The following CEP63 variants were observed in gnomAD, a reference collection of about 807,000 sequenced individuals.
CEP63 encodes the protein centrosomal protein 63, also known as centrosomal protein of 63 kDa.
Under a neutral mutation model 89.1 loss-of-function variants are expected in CEP63, and 84 were observed. The ratio of observed to expected loss-of-function variants is 0.94; its 90% CI spans 0.79 to 1.13. The LOEUF is 1.13. CEP63 is among the 50% of genes most tolerant of loss of function. CEP63 has a pLI of 0.00. For missense variants in CEP63, 838 were observed against 813.3 expected, an observed-to-expected ratio of 1.03 and a Z score of -0.37; for synonymous variants, 267 against 272.5, an observed-to-expected ratio of 0.98 and a Z score of 0.20.
chr3:134,489,922 C>G (rs920699906), intron 1 of CEP63, among the ~76,000 whole-genome samples: 2 of 152,124 alleles, frequency 1.3e-5, no homozygotes, highest in African/African-American at 2.4e-5. Context: ...ATTGTTTCAT[C>G]TTTGGCCAGT....
chr3:134,591,792 G>T (rs1426445496), downstream of CEP63, among the ~76,000 whole-genome samples: 1 of 152,066 alleles, frequency 6.6e-6, no homozygotes, highest in East Asian at 1.9e-4. Flanking sequence ...GAGGTGGGAA[G>T]GTGGCTTAAG....
chr3:134,715,055 G>A, the CEP63 span, among the ~76,000 whole-genome samples: 463 of 152,296 alleles, frequency 3.0e-3, 1 homozygote, highest in South Asian at 8.3e-3. Context: ...GGCTGCTGAG[G>A]AGAAGCCCTC....
At chr3:134,533,084 G>A (rs1950163646) in intron 5 of CEP63, among the ~76,000 whole-genome samples, 184 bp downstream of exon 5, 3 of 152,148 alleles carry the variant, frequency 2.0e-5, no homozygotes, top group Non-Finnish European at 4.4e-5. Context: ...CTGGGTTAAC[G>A]GGGTTACTGG....
chr3:134,534,279 A>G (rs541517357), intron 5 of CEP63, among the ~76,000 whole-genome samples: 8 of 152,280 alleles, frequency 5.3e-5, no homozygotes, highest in East Asian at 3.9e-4. Flanking sequence ...TCTTTCCTCC[A>G]TAGATAGTTT....
chr3:134,779,479 T>C, the CEP63 span, among the ~76,000 whole-genome samples: 1 of 152,214 alleles, frequency 6.6e-6, no homozygotes, highest in Admixed American at 6.5e-5. Flanking sequence ...GCTAAGGTAT[T>C]CCCAGCCGTG....
rs936064729 is a variant in CEP63, at chr3:134,587,594, T to TGTATGAG, written c.1346_1352dup (p.Ser452Ter). On this transcript the variant is annotated frameshift_variant, in exon 11 of 11. Transcript: ENST00000683931. LOFTEE classifies it high-confidence loss of function. ...GCTTCATCCCAGAGGGGCACCTGCC[T>TGTATGAG]GTATGAGGTGTCTGTCGGCCCCTAC... Among the ~76,000 whole-genome samples the TGTATGAG allele has an allele frequency of 1.2e-4, 19 of 152,244 alleles. 1 individual carries two copies. Among genetic ancestry groups the TGTATGAG allele is most frequent in the Admixed American group, 3.9e-4 (6 of 15,300 alleles).
the CEP63 span, among the ~76,000 whole-genome samples, chr3:134,739,152 T>A: frequency 6.6e-6 from 1 of 152,184 alleles, no homozygotes; most frequent in Admixed American, 6.5e-5. Context: ...ATACCCTAAA[T>A]AATTTAAAAC....
chr3:134,494,480 G>A (rs1939037468), intron 1 of CEP63, among the ~76,000 whole-genome samples: 1 of 152,000 alleles, frequency 6.6e-6, no homozygotes, highest in Non-Finnish European at 1.5e-5. Context: ...GACCCTTCAT[G>A]TAGTTCCCCA....
chr3:134,498,988 A>ATGTAGTTGTCTTCTTTTGTTG (rs1156436217), intron 2 of CEP63, among the ~76,000 whole-genome samples: 1 of 152,122 alleles, frequency 6.6e-6, no homozygotes, highest in African/African-American at 2.4e-5. Context: ...GGATATTGGC[A>ATGTAGTTGTCTTCTTTTGTTG]TGTAGTTGTC....
the CEP63 span, among the ~76,000 whole-genome samples, chr3:134,676,081 A>G: frequency 2.6e-5 from 4 of 152,210 alleles, no homozygotes; most frequent in African/African-American, 4.8e-5. Context: ...TTCTGCTCCT[A>G]GGTATATACC....
chr3:134,526,827 T>G (rs544949213), intron 3 of CEP63, among the ~76,000 whole-genome samples: 43 of 152,216 alleles, frequency 2.8e-4, no homozygotes, highest in African/African-American at 9.6e-4. Flanking sequence ...TATTGTAGTA[T>G]AAGGTGGATT....
chr3:134,650,742 G>T, the CEP63 span: 1 of 1,303,214 alleles, frequency 7.7e-7, no homozygotes, highest in Non-Finnish European at 1.0e-6. Flanking sequence ...GGGGAGCAAT[G>T]GGCGCCCCCC....
At chr3:134,780,620 G>A in the CEP63 span, 4 of 152,286 alleles carry the variant, frequency 2.6e-5, no homozygotes, top group South Asian at 2.1e-4. Context: ...TGCTATCAAC[G>A]CGAGCACTTG....
At chr3:134,661,943 C>T in the CEP63 span, among the ~76,000 whole-genome samples, 3 of 152,224 alleles carry the variant, frequency 2.0e-5, no homozygotes, top group Admixed American at 6.5e-5. Flanking sequence ...AAAAGCAGTT[C>T]GAAAAACCTT....
At chr3:134,551,400 G>A (rs1296491749) in intron 11 of CEP63, among the ~76,000 whole-genome samples, 1 of 152,102 alleles carries the variant, frequency 6.6e-6, no homozygotes, top group East Asian at 1.9e-4. Flanking sequence ...AAAAAAAGGA[G>A]CAGTGAGGAG....
chr3:134,731,668 T>C, the CEP63 span, among the ~76,000 whole-genome samples: 2 of 152,272 alleles, frequency 1.3e-5, no homozygotes, highest in South Asian at 4.1e-4. Flanking sequence ...AAGCCACCCA[T>C]GATCCACTCC....
the CEP63 span, among the ~76,000 whole-genome samples, chr3:134,596,045 T>A: frequency 7.1e-6 from 1 of 140,138 alleles, no homozygotes. Flanking sequence ...CGTGGAAAGG[T>A]TTGTTTGTTG....
chr3:134,632,831 G>C, the CEP63 span, among the ~76,000 whole-genome samples: 1 of 151,820 alleles, frequency 6.6e-6, no homozygotes, highest in Non-Finnish European at 1.5e-5. Context: ...TTAAAGATCA[G>C]TAAAATTGAT....
the CEP63 span, among the ~76,000 whole-genome samples, chr3:134,595,651 GTT>G: frequency 6.6e-6 from 1 of 152,114 alleles, no homozygotes; most frequent in Non-Finnish European, 1.5e-5. Flanking sequence ...TAGAGTGCTG[GTT>G]TAATTGGAGA....
Sources: gnomAD v4.1 joint callset for allele counts (sites outside exome capture counted in the v4.1 genomes callset) on GRCh38, gnomAD v4.1.1 for gene constraint, MANE v1.5 for transcripts, NCBI Gene and HGNC (gene_info 2026-07-23, HGNC 2026-07-21) for gene names.